The following PCSK5 variants were observed in gnomAD, a reference collection of about 807,000 sequenced individuals.
PCSK5 encodes the protein prohormone convertase 5.
Under a neutral mutation model 233.2 loss-of-function variants are expected in PCSK5, and 129 were observed. The ratio of observed to expected loss-of-function variants is 0.55; its 90% CI spans 0.48 to 0.64. The LOEUF (loss-of-function observed/expected upper bound fraction) is 0.64. Ranked by LOEUF, PCSK5 falls within the 30% of genes least tolerant of loss-of-function variation. The pLI is 0.00. For synonymous variants in PCSK5, 825 were observed against 879.2 expected (o/e 0.94, Z 1.09); for missense variants, 2,076 against 2,430.1 (o/e 0.85, Z 3.06).
chr9:75,919,212 T>TA (rs1194941318), intron 1 of PCSK5, among the ~76,000 whole-genome samples: 8 of 152,214 alleles, frequency 5.3e-5, no homozygotes, highest in Admixed American at 6.5e-5. Context: ...AATGGAATAA[T>TA]ACAATAGGCA....
chr9:76,275,117 T>G (rs1352978550), intron 24 of PCSK5, among the ~76,000 whole-genome samples: 1 of 152,212 alleles, frequency 6.6e-6, no homozygotes, highest in Non-Finnish European at 1.5e-5. Context: ...TTTATCCTTT[T>G]TTTAAAAATA....
chr9:76,215,440 ATGGGC>A (rs5898462), intron 20 of PCSK5, among the ~76,000 whole-genome samples: 148,347 of 152,084 alleles, frequency 0.98, 72,384 homozygotes, highest in East Asian at 1. Context: ...GACCTAAGCC[ATGGGC>A]TGGGCTAGGC....
intron 36 of PCSK5, among the ~76,000 whole-genome samples, chr9:76,352,825 T>C (rs1460128502): frequency 6.6e-6 from 1 of 151,496 alleles, no homozygotes; most frequent in African/African-American, 2.4e-5. Flanking sequence ...TCAAAGAGGT[T>C]AAACAATTTG....
intron 5 of PCSK5, among the ~76,000 whole-genome samples, chr9:76,054,927 T>C (rs1829766780): frequency 6.6e-6 from 1 of 152,202 alleles, no homozygotes; most frequent in African/African-American, 2.4e-5. Context: ...GTTATTTACA[T>C]TTGATATATC....
intron 27 of PCSK5, among the ~76,000 whole-genome samples, chr9:76,299,391 G>A (rs545826879): frequency 1.5e-4 from 23 of 152,278 alleles, no homozygotes; most frequent in African/African-American, 2.2e-4. Flanking sequence ...ATTCAAGGCC[G>A]GACGTGGTAG....
intron 5 of PCSK5, among the ~76,000 whole-genome samples, chr9:76,028,214 T>G (rs1021018317): frequency 3.3e-5 from 5 of 152,296 alleles, no homozygotes; most frequent in Admixed American, 3.3e-4. Flanking sequence ...GAGACCTACA[T>G]TAAACTGGAT....
chr9:75,931,318 A>T (rs139703344), intron 1 of PCSK5, among the ~76,000 whole-genome samples: 29 of 148,644 alleles, frequency 2.0e-4, no homozygotes, highest in African/African-American at 7.2e-4. Context: ...AAACATCCTG[A>T]TGATAGTTAT....
intron 1 of PCSK5, among the ~76,000 whole-genome samples, chr9:75,922,430 G>A (rs1823296485): frequency 6.6e-6 from 1 of 152,078 alleles, no homozygotes; most frequent in South Asian, 2.1e-4. Flanking sequence ...GTTACAGATG[G>A]CTTGTCTAGG....
At chr9:76,068,946 C>A (rs935556999) in intron 6 of PCSK5, among the ~76,000 whole-genome samples, 2 of 152,100 alleles carry the variant, frequency 1.3e-5, no homozygotes, top group Non-Finnish European at 2.9e-5. Context: ...AATGACAATT[C>A]TTTCTAGGAT....
chr9:75,958,007 CA>C (rs1825171025), intron 2 of PCSK5, among the ~76,000 whole-genome samples: 1 of 152,164 alleles, frequency 6.6e-6, no homozygotes, highest in Non-Finnish European at 1.5e-5. Context: ...GAGGAAAGAA[CA>C]ATGACTTTGA....
In PCSK5 at chr9:76,040,375, C is replaced by G. The variant is rs867366291; in HGVS notation, c.632+13338C>G. ...TCTCTCTCTCTCTCTCTCTCTCTCT[C>G]TCTCTCTCTGTCTCTCTCTCTCTCT... On this transcript the variant is annotated intron_variant, in intron 5 of 37. Transcript: ENST00000674117. Among the ~76,000 whole-genome samples the G allele has an allele frequency of 8.9e-3, 587 of 65,894 alleles. 8 individuals carry two copies. Among genetic ancestry groups the G allele is most frequent in the South Asian group, 0.062 (85 of 1,368 alleles). The allele number at this position is 65,894 out of a possible 152,430, so 43.2% of individuals were successfully genotyped here.
chr9:75,992,350 T>G (rs1267436955), intron 3 of PCSK5, among the ~76,000 whole-genome samples: 1 of 152,220 alleles, frequency 6.6e-6, no homozygotes, highest in Admixed American at 6.5e-5. Context: ...AAAACACATA[T>G]TCGTACATGG....
chr9:75,968,181 C>A (rs1259788936), intron 2 of PCSK5, among the ~76,000 whole-genome samples: 4 of 152,108 alleles, frequency 2.6e-5, no homozygotes, highest in African/African-American at 9.6e-5. Flanking sequence ...CAGTGCCTGG[C>A]ACCTGATTGT....
intron 20 of PCSK5, chr9:76,195,524 A>C (rs963499758): frequency 6.6e-6 from 1 of 152,324 alleles, no homozygotes; most frequent in Non-Finnish European, 1.5e-5. Context: ...TGCCTCATTT[A>C]TCTACATAAC....
chr9:75,908,933 C>A (rs780316778), intron 1 of PCSK5, among the ~76,000 whole-genome samples: 3,664 of 93,528 alleles, frequency 0.039, 158 homozygotes, highest in African/African-American at 0.088. Context: ...CTCTCTATCT[C>A]TCTCTCTGTC....
At chr9:76,062,127 A>G (rs1349427981) in intron 5 of PCSK5, among the ~76,000 whole-genome samples, 1 of 152,170 alleles carries the variant, frequency 6.6e-6, no homozygotes, top group Non-Finnish European at 1.5e-5. Flanking sequence ...GCACACCTGT[A>G]GTCCTGGCTA....
chr9:75,986,177 G>A lies in PCSK5; in HGVS notation c.343G>A (p.Asp115Asn). ...AGTGGTAAAAAAGCGGACAAAGAGG[G>A]ATTATGACTTCAGTCGTGCCCAGTC... ...QQVVKKRTKR[D>N]YDFSRAQSTY... Residue 115 changes from aspartate (D) to asparagine (N), a missense_variant, in exon 3 of 38, where the codon GAT becomes AAT. Physicochemically the swap from Asp to Asn is conservative, Grantham distance 23 (BLOSUM62 1). Coordinates refer to ENST00000674117, the MANE Select transcript of PCSK5 (RefSeq NM_001372043.1). 6.2e-7 allele frequency: 1 copy of A among 1,613,908 alleles called. No individual in the cohort carries two copies.
intron 21 of PCSK5, among the ~76,000 whole-genome samples, chr9:76,233,014 A>C (rs1179156773): frequency 6.6e-6 from 1 of 152,252 alleles, no homozygotes; most frequent in Non-Finnish European, 1.5e-5. Flanking sequence ...TCACTCGTCA[A>C]GAGCCCTTGG....
chr9:76,162,927 C>T (rs886788921), intron 12 of PCSK5, among the ~76,000 whole-genome samples: 2 of 152,178 alleles, frequency 1.3e-5, no homozygotes, highest in African/African-American at 4.8e-5. Flanking sequence ...TCCTCTGCTC[C>T]ATGGCTTACT....
Sources: allele counts gnomAD v4.1 joint callset (sites outside exome capture counted in the v4.1 genomes callset), GRCh38; gene constraint gnomAD v4.1.1; transcripts MANE v1.5; gene names NCBI Gene and HGNC (gene_info 2026-07-23, HGNC 2026-07-21).